STAT3: variants seen among roughly 807,000 people sequenced by gnomAD.
The protein encoded by STAT3 is signal transducer and activator of transcription 3.
A neutral mutation model predicts 114.3 loss-of-function variants in STAT3; 7 were observed. That is an observed-to-expected ratio of 0.06 (90% CI 0.03 to 0.11). The LOEUF (loss-of-function observed/expected upper bound fraction) is 0.11. Ranked by LOEUF, STAT3 falls within the 10% of genes least tolerant of loss-of-function variation. The probability of loss-of-function intolerance (pLI) is 1.00; values close to 1 mark genes in which losing one functional copy is unlikely to be tolerated. For missense variants in STAT3, 364 were observed against 960.9 expected (o/e 0.38, Z 8.21); for synonymous variants, 331 against 354.5 (o/e 0.93, Z 0.74).
intron 14 of STAT3, among the ~76,000 whole-genome samples, chr17:42,326,980 C>G (rs1040135994): frequency 6.6e-6 from 1 of 152,216 alleles, no homozygotes; most frequent in African/African-American, 2.4e-5. Flanking sequence ...AGGGACACAA[C>G]TTGCTCGGCA....
chr17:42,369,906 G>A (rs2084012800), intron 1 of STAT3, among the ~76,000 whole-genome samples: 1 of 151,992 alleles, frequency 6.6e-6, no homozygotes, highest in South Asian at 2.1e-4. Context: ...CGATCCTCCT[G>A]CCTCAGCCTC....
At chr17:42,320,947 TTGTGTG>T (rs112139000) in intron 21 of STAT3, among the ~76,000 whole-genome samples, 5 of 146,986 alleles carry the variant, frequency 3.4e-5, no homozygotes, top group Non-Finnish European at 6.0e-5. Flanking sequence ...TTTCTCTTCT[TTGTGTG>T]TGTGTGTGTG....
chr17:42,342,487 G>GAA (rs397739245), intron 4 of STAT3, among the ~76,000 whole-genome samples: 12 of 145,894 alleles, frequency 8.2e-5, no homozygotes, highest in South Asian at 6.5e-4. Context: ...TGTCTCAAAA[G>GAA]AAAAAAAAAA....
intron 1 of STAT3, among the ~76,000 whole-genome samples, chr17:42,358,737 G>T (rs1020577290): frequency 6.6e-6 from 1 of 152,028 alleles, no homozygotes; most frequent in Non-Finnish European, 1.5e-5. Context: ...TTGTCTTTGG[G>T]AATGGTATTT....
chr17:42,326,675 C>G (rs1224203747), intron 14 of STAT3, among the ~76,000 whole-genome samples: 1 of 152,064 alleles, frequency 6.6e-6, no homozygotes, highest in Non-Finnish European at 1.5e-5. Context: ...CAAAAATTAG[C>G]TGGGTGTGGT....
intron 23 of STAT3, 66 bp downstream of exon 23, chr17:42,316,723 T>TGA (rs1348076516): frequency 6.2e-7 from 1 of 1,606,650 alleles, no homozygotes. Flanking sequence ...TGTGTACATG[T>TGA]GAGAGCATCA....
At chr17:42,352,875 A>G (rs1303117007) in intron 1 of STAT3, among the ~76,000 whole-genome samples, 3 of 152,202 alleles carry the variant, frequency 2.0e-5, no homozygotes, top group Non-Finnish European at 4.4e-5. Flanking sequence ...TTCAAACTGA[A>G]CTATGCTGTC....
chr17:42,335,323 T>C (rs2082186815), intron 8 of STAT3, among the ~76,000 whole-genome samples: 1 of 152,150 alleles, frequency 6.6e-6, no homozygotes, highest in Admixed American at 6.6e-5. Context: ...AGTCTCACTC[T>C]GTCACCCAGG....
chr17:42,347,643 C>T (rs2082759719), intron 2 of STAT3, among the ~76,000 whole-genome samples: 1 of 152,138 alleles, frequency 6.6e-6, no homozygotes, highest in African/African-American at 2.4e-5. Context: ...TGAGGTGGGG[C>T]CTGGTGGAAG....
chr17:42,317,161 CG>C lies in STAT3; in HGVS notation c.2144+20del. On this transcript the variant is annotated intron_variant, in intron 22 of 23. Coordinates refer to ENST00000264657, the MANE Select transcript of STAT3 (RefSeq NM_139276.3). ...GAGGATATTAGAAATGAAGGCAAAA[CG>C]GGGAAAGGAAGCCACTTACGGTGTC... 6.2e-7 allele frequency: 1 copy of C among 1,613,924 alleles called. No homozygotes were observed. Among genetic ancestry groups the C allele is most frequent in the Non-Finnish European group, 8.5e-7 (1 of 1,179,952 alleles).
At chr17:42,346,832 C>A (rs1323267274) in intron 2 of STAT3, 119 bp from the exon 3 acceptor site, 4 of 1,340,612 alleles carry the variant, frequency 3.0e-6, no homozygotes, top group Non-Finnish European at 4.2e-6. Context: ...GATGCTATAA[C>A]CCATTCATCA....
At chr17:42,384,128 A>ATTTTTTTTT (rs201020826) in intron 1 of STAT3, among the ~76,000 whole-genome samples, 1 of 86,310 alleles carries the variant, frequency 1.2e-5, no homozygotes, top group East Asian at 3.1e-4. Context: ...TTATTTATTT[A>ATTTTTTTTT]TTTATTTTTT....
intron 1 of STAT3, among the ~76,000 whole-genome samples, chr17:42,376,237 T>C (rs2084450738): frequency 6.6e-6 from 1 of 152,134 alleles, no homozygotes; most frequent in Non-Finnish European, 1.5e-5. Flanking sequence ...AAGCTGTCTG[T>C]TCAGGGAAAG....
chr17:42,384,523 C>G (rs77504362), intron 1 of STAT3, among the ~76,000 whole-genome samples: 9,283 of 151,824 alleles, frequency 0.061, 349 homozygotes, highest in Non-Finnish European at 0.074. Context: ...CACTTCTCCC[C>G]TACTTACCCT....
intron 1 of STAT3, among the ~76,000 whole-genome samples, chr17:42,375,753 C>A (rs979370629): frequency 6.7e-6 from 1 of 149,920 alleles, no homozygotes; most frequent in Admixed American, 6.7e-5. Context: ...CACTTGAATT[C>A]GGGAGGCGGA....
rs1167865432 is a variant in STAT3, at chr17:42,324,871, G to A, written c.1465-25C>T. On this transcript the variant is annotated intron_variant, in intron 16 of 23. Coordinates refer to ENST00000264657, the MANE Select transcript of STAT3 (RefSeq NM_139276.3). The surrounding 1 kb of genome is among the most constrained non-coding windows in gnomAD (Gnocchi z 4.5). ...TCTATTGGAAAGAACACATTTGCTT[G>A]TTTAGATGAGGGATGGTGCTCATTG... The A allele has an allele frequency of 1.2e-6, 2 of 1,614,086 alleles. No individual in the cohort carries two copies. The highest frequency in any genetic ancestry group is 1.7e-6 in the Non-Finnish European group (2 of 1,180,054).
At chr17:42,366,817 C>A (rs1482052711) in intron 1 of STAT3, among the ~76,000 whole-genome samples, 1 of 152,058 alleles carries the variant, frequency 6.6e-6, no homozygotes, top group African/African-American at 2.4e-5. Flanking sequence ...GTCCCTCTAC[C>A]TTCTATTCTC....
At chr17:42,349,369 T>C (rs368790381) in intron 1 of STAT3, among the ~76,000 whole-genome samples, 178 of 152,354 alleles carry the variant, frequency 1.2e-3, no homozygotes, top group South Asian at 9.1e-3. Flanking sequence ...ACATAACAGA[T>C]GCCCAACAAA....
intron 21 of STAT3, 194 bp from the exon 22 acceptor site, chr17:42,317,418 A>T: frequency 1.5e-6 from 1 of 665,318 alleles, no homozygotes; most frequent in Non-Finnish European, 2.7e-6. Context: ...AGGCACTAGC[A>T]GCTGTGAACT....
Sources: allele counts gnomAD v4.1 joint callset (sites outside exome capture counted in the v4.1 genomes callset), GRCh38; gene constraint gnomAD v4.1.1; non-coding constraint Gnocchi (gnomAD v3.1); transcripts MANE v1.5; gene names NCBI Gene and HGNC (gene_info 2026-07-23, HGNC 2026-07-21).